The following RHBDL3 variants were observed in gnomAD, a reference collection of about 807,000 sequenced individuals.
RHBDL3 encodes rhomboid-related protein 3.
In RHBDL3, 28 loss-of-function variants were observed where a neutral mutation model predicts 48.2. The ratio of observed to expected loss-of-function variants is 0.58; its 90% CI spans 0.43 to 0.80. RHBDL3 has a LOEUF of 0.80. RHBDL3 is among the 30% of genes least tolerant of loss of function. The probability of loss-of-function intolerance (pLI) is 0.00; values close to 1 mark genes in which losing one functional copy is unlikely to be tolerated. For synonymous variants in RHBDL3, 208 were observed against 232.3 expected (o/e 0.90, Z 0.95); for missense variants, 464 against 542.7 (o/e 0.85, Z 1.44).
At chr17:32,317,352 CAT>C (rs1410852089) in intron 8 of RHBDL3, among the ~76,000 whole-genome samples, 2 of 152,202 alleles carry the variant, frequency 1.3e-5, no homozygotes, top group Admixed American at 6.5e-5. Flanking sequence ...TATGTGCACT[CAT>C]GTGCATACAC....
intron 5 of RHBDL3, among the ~76,000 whole-genome samples, chr17:32,297,137 C>T (rs2040469662): frequency 6.6e-6 from 1 of 152,012 alleles, no homozygotes. Context: ...AGGCATGAGC[C>T]ACCACGCCTG....
chr17:32,299,887 A>G (rs147710410), intron 6 of RHBDL3, among the ~76,000 whole-genome samples: 1 of 152,324 alleles, frequency 6.6e-6, no homozygotes, highest in Non-Finnish European at 1.5e-5. Flanking sequence ...ATTGATCTCC[A>G]TGATTGAGTT....
intron 1 of RHBDL3, 57 bp downstream of exon 1, chr17:32,266,357 G>T (rs1263795286): frequency 5.3e-6 from 5 of 945,570 alleles, no homozygotes; most frequent in African/African-American, 1.7e-5. Flanking sequence ...GGGAAAAGCC[G>T]CCCCTGTCTC....
Position 32,321,782 on chromosome 17 carries a change from C to T in RHBDL3, c.*553C>T, listed in dbSNP as rs1689656895. The T allele has an allele frequency of 4.7e-6, 1 of 213,370 alleles. No homozygotes were observed. Among genetic ancestry groups the T allele is most frequent in the African/African-American group, 2.3e-5 (1 of 44,040 alleles). 13.2% of individuals were successfully genotyped at this position (213,370 alleles called of 1,614,324 possible). A position where few individuals can be genotyped will look rare whatever the true frequency, so the allele number is the denominator to read the frequency against. On this transcript the variant is annotated 3_prime_UTR_variant, in exon 9 of 9. Coordinates refer to ENST00000269051, the MANE Select transcript of RHBDL3 (RefSeq NM_138328.3). Reference sequence around the variant, plus strand: ...GACCTGGCTGAAACCAGGGTGCCCTCCTGGGCTGGTTGGTGTGCACCGGGG... The same window carrying T: ...GACCTGGCTGAAACCAGGGTGCCCTTCTGGGCTGGTTGGTGTGCACCGGGG...
intron 6 of RHBDL3, among the ~76,000 whole-genome samples, chr17:32,304,627 G>A (rs2040665181): frequency 6.6e-6 from 1 of 152,180 alleles, no homozygotes; most frequent in South Asian, 2.1e-4. Context: ...TCACCTAGGT[G>A]GCAGCTGTTT....
chr17:32,289,316 A>G (rs1225613871), intron 4 of RHBDL3, among the ~76,000 whole-genome samples: 2 of 152,154 alleles, frequency 1.3e-5, no homozygotes, highest in East Asian at 3.8e-4. Context: ...CAACAGCAAT[A>G]AAAACAATGT....
chr17:32,321,351 C>T lies in RHBDL3; in HGVS notation c.*122C>T. 6.5e-7 allele frequency: 1 copy of T among 1,550,196 alleles called. No individual in the cohort carries two copies. Among genetic ancestry groups the T allele is most frequent in the Non-Finnish European group, 8.7e-7 (1 of 1,152,778 alleles). ...CAGACAAGGACAGAAGACTCTGGGCCACTGTAATGTTTGTGTTTAGATTTG... is the reference window on the plus strand; with the variant it reads ...CAGACAAGGACAGAAGACTCTGGGCTACTGTAATGTTTGTGTTTAGATTTG... On this transcript the variant is annotated 3_prime_UTR_variant, in exon 9 of 9. Coordinates refer to ENST00000269051, the MANE Select transcript of RHBDL3 (RefSeq NM_138328.3).
intron 8 of RHBDL3, among the ~76,000 whole-genome samples, 156 bp from the exon 9 acceptor site, chr17:32,320,802 C>T (rs556496034): frequency 6.6e-6 from 1 of 152,340 alleles, no homozygotes; most frequent in Admixed American, 6.5e-5. Context: ...TCTGGGAGAA[C>T]AGAGATTTGC....
chr17:32,273,388 T>A (rs568647660), intron 2 of RHBDL3, among the ~76,000 whole-genome samples: 1 of 152,352 alleles, frequency 6.6e-6, no homozygotes, highest in African/African-American at 2.4e-5. Context: ...GGAGACTAGA[T>A]CCCAACCCTG....
In RHBDL3 at chr17:32,266,160, C is replaced by G; in HGVS notation, c.-30C>G. ...CGGCGCCCCGGGACGAGCCCCGCAG[C>G]CGCCGCCGCCCCCGGACCCCGTCTC... On this transcript the variant is annotated 5_prime_UTR_variant, in exon 1 of 9. Transcript: ENST00000269051. 2 of 954,836 alleles carry G rather than the reference C, an allele frequency of 2.1e-6. No individual in the cohort carries two copies. Among genetic ancestry groups the G allele is most frequent in the Non-Finnish European group, 1.3e-6 (1 of 755,836 alleles). The allele number at this position is 954,836 out of a possible 1,614,324, so 59.1% of individuals were successfully genotyped here. A position where few individuals can be genotyped will look rare whatever the true frequency, so the allele number is the denominator to read the frequency against.
chr17:32,319,223 C>T (rs1255231999), intron 8 of RHBDL3, among the ~76,000 whole-genome samples: 4 of 151,750 alleles, frequency 2.6e-5, no homozygotes, highest in Admixed American at 2.6e-4. Flanking sequence ...GAGATAGAGA[C>T]CATCCTGGCT....
At chr17:32,278,140 A>C (rs767064949) in intron 2 of RHBDL3, among the ~76,000 whole-genome samples, 5 of 152,070 alleles carry the variant, frequency 3.3e-5, no homozygotes, top group Admixed American at 6.5e-5. Flanking sequence ...TCTACTAAAA[A>C]TACCAAAAAT....
intron 4 of RHBDL3, among the ~76,000 whole-genome samples, chr17:32,291,771 CT>C (rs36113178): frequency 0.11 from 14,783 of 131,204 alleles, 1,210 homozygotes; most frequent in African/African-American, 0.25. Flanking sequence ...TGAGATATTC[CT>C]TTTTTTTTTT....
intron 2 of RHBDL3, among the ~76,000 whole-genome samples, chr17:32,274,015 C>T (rs1427953712): frequency 3.3e-5 from 5 of 152,230 alleles, no homozygotes; most frequent in African/African-American, 1.2e-4. Flanking sequence ...GGATTGCAGG[C>T]GTGAGCCACC....
chr17:32,296,287 G>GA (rs1426270487), intron 5 of RHBDL3, among the ~76,000 whole-genome samples: 2 of 148,354 alleles, frequency 1.3e-5, no homozygotes, highest in Non-Finnish European at 3.0e-5. Flanking sequence ...GAAAACCTGG[G>GA]ATCCCATATC....
intron 6 of RHBDL3, among the ~76,000 whole-genome samples, 184 bp from the exon 7 acceptor site, chr17:32,305,157 G>C (rs1235420121): frequency 6.6e-6 from 1 of 150,874 alleles, no homozygotes; most frequent in Non-Finnish European, 1.5e-5. Flanking sequence ...AAGGAAGGGA[G>C]GGAGGGAGGG....
intron 2 of RHBDL3, among the ~76,000 whole-genome samples, chr17:32,278,262 C>T (rs1168134484): frequency 6.6e-6 from 1 of 152,188 alleles, no homozygotes; most frequent in Non-Finnish European, 1.5e-5. Flanking sequence ...CGCACCACTG[C>T]ATTCCAGCCT....
chr17:32,296,502 A>G (rs1277179465), intron 5 of RHBDL3, among the ~76,000 whole-genome samples: 1 of 150,392 alleles, frequency 6.6e-6, no homozygotes, highest in African/African-American at 2.4e-5. Flanking sequence ...CTCCCAGCTT[A>G]TTTTTGTATT....
chr17:32,288,453 C>T, intron 3 of RHBDL3: 1 of 301,082 alleles, frequency 3.3e-6, no homozygotes, highest in Non-Finnish European at 6.3e-6. Context: ...GTATAGTGAA[C>T]ACAAATACGG....
Sources: gnomAD v4.1 joint callset for allele counts (sites outside exome capture counted in the v4.1 genomes callset) on GRCh38, gnomAD v4.1.1 for gene constraint, MANE v1.5 for transcripts, NCBI Gene and HGNC (gene_info 2026-07-23, HGNC 2026-07-21) for gene names.